The following ROBO2 variants were observed in gnomAD, a reference collection of about 807,000 sequenced individuals.
The protein encoded by ROBO2 is roundabout homolog 2.
In ROBO2, 53 loss-of-function variants were observed where a neutral mutation model predicts 160.8. The ratio of observed to expected loss-of-function variants is 0.33; its 90% CI spans 0.26 to 0.41. ROBO2 has a LOEUF of 0.41. Among genes scored for constraint, ROBO2 ranks in the 10% least tolerant of loss-of-function variants. The probability of loss-of-function intolerance (pLI) is 1.00; values close to 1 mark genes in which losing one functional copy is unlikely to be tolerated. For synonymous variants in ROBO2, 664 were observed against 611.7 expected (o/e 1.09, Z -1.26); for missense variants, 1,577 against 1,722.4 (o/e 0.92, Z 1.49).
chr3:77,387,356 G>T (rs1268247309), intron 2 of ROBO2, among the ~76,000 whole-genome samples: 1 of 140,682 alleles, frequency 7.1e-6, no homozygotes, highest in Non-Finnish European at 1.5e-5. Flanking sequence ...AAAAAAAAAT[G>T]AAAAAAAGAA....
chr3:76,398,426 G>A (rs919858764), intron 2 of ROBO2, among the ~76,000 whole-genome samples: 2 of 151,702 alleles, frequency 1.3e-5, no homozygotes, highest in African/African-American at 4.8e-5. Context: ...GTATACATAT[G>A]TAACTAACCT....
At chr3:76,984,844 A>G in intron 2 of ROBO2, among the ~76,000 whole-genome samples, 1 of 152,152 alleles carries the variant, frequency 6.6e-6, no homozygotes, top group East Asian at 1.9e-4. Context: ...TTTATTTGAC[A>G]TAATTACATA....
intron 2 of ROBO2, among the ~76,000 whole-genome samples, chr3:76,053,974 A>G (rs2067747541): frequency 6.6e-6 from 1 of 152,144 alleles, no homozygotes; most frequent in Non-Finnish European, 1.5e-5. Context: ...TGTACTTTAT[A>G]TAACTATTAC....
intron 2 of ROBO2, among the ~76,000 whole-genome samples, chr3:77,285,615 T>A (rs2060533117): frequency 1.3e-5 from 2 of 152,184 alleles, no homozygotes; most frequent in Non-Finnish European, 2.9e-5. Flanking sequence ...CCAAAGCCTT[T>A]TTTAAACTAA....
chr3:77,560,728 C>T (rs2093295145), intron 9 of ROBO2, among the ~76,000 whole-genome samples: 1 of 152,132 alleles, frequency 6.6e-6, no homozygotes, highest in African/African-American at 2.4e-5. Flanking sequence ...CCTACCGCAG[C>T]TAATGTCATA....
At chr3:76,655,660 GA>G (rs566612444) in intron 2 of ROBO2, among the ~76,000 whole-genome samples, 2,979 of 127,406 alleles carry the variant, frequency 0.023, 91 homozygotes, top group African/African-American at 0.077. Flanking sequence ...AGAGAAAGAA[GA>G]AAAAAAAGAA....
intron 17 of ROBO2, among the ~76,000 whole-genome samples, chr3:77,590,400 G>C (rs1282440020): frequency 6.6e-6 from 1 of 152,110 alleles, no homozygotes; most frequent in African/African-American, 2.4e-5. Flanking sequence ...TCAGAGTCTG[G>C]AAAATTAATG....
chr3:76,996,745 T>A (rs574123245), intron 2 of ROBO2, among the ~76,000 whole-genome samples: 52 of 152,274 alleles, frequency 3.4e-4, no homozygotes, highest in African/African-American at 1.2e-3. Context: ...TAAACTATGG[T>A]GGATTTTGAA....
chr3:77,362,563 G>A (rs2070193931), intron 2 of ROBO2, among the ~76,000 whole-genome samples: 1 of 152,154 alleles, frequency 6.6e-6, no homozygotes, highest in African/African-American at 2.4e-5. Flanking sequence ...TTACAAGGAA[G>A]CACACAGGAG....
At chr3:75,955,098 T>C (rs1471185432) in intron 2 of ROBO2, among the ~76,000 whole-genome samples, 1 of 151,842 alleles carries the variant, frequency 6.6e-6, no homozygotes, top group East Asian at 1.9e-4. Context: ...TGTTTGTTTG[T>C]TTTGCTAGTA....
In ROBO2 at chr3:77,276,805, C is replaced by T. The variant is rs561580054; in HGVS notation, c.388+178465C>T. On this transcript the variant is annotated intron_variant, in intron 2 of 25. Transcript: ENST00000461745. ...CACAGTTCCACATGGCTGGGGAGAC[C>T]TCACAATCATGGCAGAAGTCGAATG... Among the ~76,000 whole-genome samples, 4 of 152,232 alleles carry T rather than the reference C, an allele frequency of 2.6e-5. No homozygotes were observed. In the East Asian group the frequency reaches 7.7e-4, roughly 29 times the overall value.
At chr3:76,714,753 A>G in intron 2 of ROBO2, among the ~76,000 whole-genome samples, 1 of 152,312 alleles carries the variant, frequency 6.6e-6, no homozygotes, top group Non-Finnish European at 1.5e-5. Flanking sequence ...TCTATTGCCA[A>G]TAGCACTGAC....
intron 1 of ROBO2, among the ~76,000 whole-genome samples, chr3:75,926,388 T>A (rs963129479): frequency 6.6e-6 from 1 of 152,176 alleles, no homozygotes; most frequent in Non-Finnish European, 1.5e-5. Flanking sequence ...CTGATCCTTA[T>A]AGCAAATATT....
At chr3:77,627,704 A>G (rs2095060130) in intron 23 of ROBO2, among the ~76,000 whole-genome samples, 1 of 152,214 alleles carries the variant, frequency 6.6e-6, no homozygotes, top group East Asian at 1.9e-4. Context: ...TAATTTGTCT[A>G]AAGACATTTG....
At chr3:76,453,389 A>T (rs988488108) in intron 2 of ROBO2, among the ~76,000 whole-genome samples, 2 of 152,220 alleles carry the variant, frequency 1.3e-5, no homozygotes, top group Non-Finnish European at 2.9e-5. Flanking sequence ...TCAACTTCCT[A>T]CATATGGCTA....
intron 24 of ROBO2, among the ~76,000 whole-genome samples, chr3:77,641,935 T>C (rs936918025): frequency 6.6e-6 from 1 of 152,196 alleles, no homozygotes; most frequent in Admixed American, 6.5e-5. Flanking sequence ...AATTATCTCT[T>C]CTACTCTATC....
intron 2 of ROBO2, among the ~76,000 whole-genome samples, chr3:77,252,681 G>A (rs575063662): frequency 2.7e-5 from 4 of 149,170 alleles, no homozygotes; most frequent in Admixed American, 2.0e-4. Context: ...GGTGGCGGGC[G>A]CCTGTAGTCC....
intron 2 of ROBO2, among the ~76,000 whole-genome samples, chr3:76,274,001 G>T (rs1214228914): frequency 6.6e-6 from 1 of 152,156 alleles, no homozygotes; most frequent in African/African-American, 2.4e-5. Flanking sequence ...AAGAGAGCAA[G>T]AGGGGACAGA....
intron 2 of ROBO2, among the ~76,000 whole-genome samples, chr3:77,252,606 G>T (rs1424198440): frequency 3.3e-5 from 5 of 151,128 alleles, no homozygotes; most frequent in Non-Finnish European, 7.4e-5. Flanking sequence ...AGGAGATGGA[G>T]ACCATCCTGG....
Sources: gnomAD v4.1 joint callset for allele counts (sites outside exome capture counted in the v4.1 genomes callset) on GRCh38, gnomAD v4.1.1 for gene constraint, MANE v1.5 for transcripts, NCBI Gene and HGNC (gene_info 2026-07-23, HGNC 2026-07-21) for gene names.